PCSK6: variants seen among roughly 807,000 people sequenced by gnomAD.
The protein encoded by PCSK6 is paired basic amino acid cleaving enzyme 4.
In PCSK6, 85 loss-of-function variants were observed where a neutral mutation model predicts 123.3. The ratio of observed to expected loss-of-function variants is 0.69; its 90% CI spans 0.58 to 0.83. The LOEUF is 0.83. Ranked by LOEUF, PCSK6 falls within the 40% of genes least tolerant of loss-of-function variation. The pLI, the probability that PCSK6 is intolerant of heterozygous loss-of-function variation, is 0.00. For missense variants in PCSK6, 1,191 were observed against 1,282.3 expected (o/e 0.93, Z 1.09); for synonymous variants, 508 against 516.0 (o/e 0.98, Z 0.21).
Position 101,305,428 on chromosome 15 carries a change from C to G in PCSK6, c.2813-73G>C. 1.5e-6 allele frequency: 2 copies of G among 1,308,920 alleles called. No individual in the cohort carries two copies. Among genetic ancestry groups the G allele is most frequent in the Non-Finnish European group, 2.1e-6 (2 of 932,966 alleles). The allele number at this position is 1,308,920 out of a possible 1,614,324, so 81.1% of individuals were successfully genotyped here. ...GGTGCCTGTGAAGATTGTTTCAAGG[C>G]CGGGCGCGGTGCCTCATGCCTGTAA... On this transcript the variant is annotated intron_variant, in intron 21 of 21. Coordinates refer to ENST00000611716, the MANE Select transcript of PCSK6 (RefSeq NM_002570.5). This position sits in a 1 kb window ranked among gnomAD's most constrained non-coding sequence, Gnocchi z 4.8.
At chr15:101,311,657 G>A (rs111692050) in intron 20 of PCSK6, among the ~76,000 whole-genome samples, 1,761 of 66,738 alleles carry the variant, frequency 0.026, 15 homozygotes, top group African/African-American at 0.052. Context: ...TCACCCCATC[G>A]TCACCCCTCA....
intron 13 of PCSK6, among the ~76,000 whole-genome samples, chr15:101,361,238 C>T (rs2041214196): frequency 6.7e-6 from 1 of 150,082 alleles, no homozygotes; most frequent in South Asian, 2.1e-4. Context: ...GGAAGGTTGG[C>T]ATCCTGTTTT....
At chr15:101,467,773 C>T (rs1157083903) in intron 1 of PCSK6, among the ~76,000 whole-genome samples, 1 of 152,138 alleles carries the variant, frequency 6.6e-6, no homozygotes, top group Non-Finnish European at 1.5e-5. Context: ...CTCAGAATAC[C>T]CCACACAGTA....
chr15:101,340,646 A>G (rs2040580919), intron 13 of PCSK6, among the ~76,000 whole-genome samples: 1 of 152,202 alleles, frequency 6.6e-6, no homozygotes, highest in Non-Finnish European at 1.5e-5. Flanking sequence ...CTAGACAAAA[A>G]TACTCATATG....
intron 15 of PCSK6, 97 bp downstream of exon 15, chr15:101,331,554 T>C: frequency 8.6e-7 from 1 of 1,164,818 alleles, no homozygotes; most frequent in Non-Finnish European, 1.3e-6. Context: ...AGTGGCTAAC[T>C]TACCAGGGGG....
At chr15:101,324,708 T>C in intron 17 of PCSK6, 142 bp downstream of exon 17, 2 of 673,406 alleles carry the variant, frequency 3.0e-6, no homozygotes, top group Non-Finnish European at 5.0e-6. Flanking sequence ...CATCTCTGCC[T>C]CCTTCCCTGT....
chr15:101,437,478 C>T (rs564013602), intron 2 of PCSK6, among the ~76,000 whole-genome samples: 2 of 95,120 alleles, frequency 2.1e-5, no homozygotes. Context: ...AAGCCACCCC[C>T]ACCACCACCT....
At chr15:101,392,575 T>C (rs990373064) in intron 8 of PCSK6, among the ~76,000 whole-genome samples, 3 of 142,180 alleles carry the variant, frequency 2.1e-5, no homozygotes, top group Admixed American at 1.5e-4. Flanking sequence ...TAATTTGAAC[T>C]GGAAACCCTC....
chr15:101,305,337 T>C lies in PCSK6; in HGVS notation c.2831A>G (p.Glu944Gly), dbSNP rs767780943. Residue 944 changes from glutamate to glycine, a missense_variant, in exon 22 of 22, where the codon GAG becomes GGG. Glu to Gly is a moderately conservative substitution (Grantham distance 98, BLOSUM62 -2). Around this residue, in one of 3 missense-constraint regions of PCSK6, gnomAD observed 630 missense variants for 631.4 expected, o/e 1.00. Transcript: ENST00000611716. The surrounding 1 kb of genome is among the most constrained non-coding windows in gnomAD (Gnocchi z 4.8). ...TCSNADETFCEMVKSNRLCER... is the reference protein window; with the variant it reads ...TCSNADETFCGMVKSNRLCER... Reference sequence around the variant, plus strand: ...GCACAGCCGGTTGGACTTCACCATCTCGCAGAATGTCTCGTCAGCTGGGGC... The same window carrying C: ...GCACAGCCGGTTGGACTTCACCATCCCGCAGAATGTCTCGTCAGCTGGGGC... 14 of 1,612,490 alleles carry C rather than the reference T, an allele frequency of 8.7e-6. No individual in the cohort carries two copies. The highest frequency in any genetic ancestry group is 1.6e-4 in the Middle Eastern group (1 of 6,084).
intron 13 of PCSK6, among the ~76,000 whole-genome samples, chr15:101,335,636 T>C (rs948193194): frequency 6.6e-6 from 1 of 152,230 alleles, no homozygotes; most frequent in Non-Finnish European, 1.5e-5. Context: ...CCATTAACAG[T>C]GTATCCTTAT....
At chr15:101,413,005 T>TGAGGAGGAGGAGGAGGAGGAG (rs925761371) in intron 6 of PCSK6, among the ~76,000 whole-genome samples, 3 of 106,024 alleles carry the variant, frequency 2.8e-5, no homozygotes, top group Non-Finnish European at 5.9e-5. Flanking sequence ...GGAGGAGGAG[T>TGAGGAGGAGGAGGAGGAGGAG]GAGGAGGAGG....
At chr15:101,313,656 G>C (rs1317365225) in intron 19 of PCSK6, 151 bp from the exon 20 acceptor site, 3 of 1,198,746 alleles carry the variant, frequency 2.5e-6, no homozygotes, top group Non-Finnish European at 3.4e-6. Context: ...CTGTGAGCTG[G>C]GCCGTCCTCA....
At chr15:101,306,523 C>T (rs1431234531) in intron 21 of PCSK6, among the ~76,000 whole-genome samples, 2 of 152,170 alleles carry the variant, frequency 1.3e-5, no homozygotes, top group Non-Finnish European at 2.9e-5. Flanking sequence ...AATGTGGCTC[C>T]ACCCTGCTGC....
intron 13 of PCSK6, chr15:101,347,572 C>A: frequency 7.0e-7 from 1 of 1,433,336 alleles, no homozygotes; most frequent in Non-Finnish European, 9.2e-7. Flanking sequence ...CGCATTCATG[C>A]AGTCAATCAA....
At chr15:101,477,091 G>A (rs1210657022) in intron 1 of PCSK6, among the ~76,000 whole-genome samples, 2 of 152,204 alleles carry the variant, frequency 1.3e-5, no homozygotes. Flanking sequence ...CTAAACGTCA[G>A]GAAAGAATGA....
At chr15:101,412,586 A>T (rs760903404) in intron 6 of PCSK6, among the ~76,000 whole-genome samples, 1 of 151,592 alleles carries the variant, frequency 6.6e-6, no homozygotes. Flanking sequence ...CGATATAAAG[A>T]GGAACCAAGT....
At chr15:101,381,387 T>C (rs1004192611) in intron 11 of PCSK6, among the ~76,000 whole-genome samples, 21 of 151,942 alleles carry the variant, frequency 1.4e-4, no homozygotes, top group Admixed American at 2.6e-4. Context: ...AATCAATCAA[T>C]GAACAAATAT....
chr15:101,486,228 T>C (rs1327882659), intron 1 of PCSK6, among the ~76,000 whole-genome samples: 3 of 152,208 alleles, frequency 2.0e-5, no homozygotes, highest in Non-Finnish European at 2.9e-5. Flanking sequence ...CCTCCCAAAG[T>C]GCTGGGATGA....
intron 6 of PCSK6, among the ~76,000 whole-genome samples, chr15:101,420,190 CAA>C (rs369741613): frequency 0.049 from 4,098 of 84,382 alleles, 83 homozygotes; most frequent in Non-Finnish European, 0.071. Context: ...GATTCTGTCT[CAA>C]AAAAAAAAAA....
Sources: gnomAD v4.1 joint callset for allele counts (sites outside exome capture counted in the v4.1 genomes callset) on GRCh38, gnomAD v4.1.1 for gene constraint, gnomAD v4.1.1 regional missense constraint, Gnocchi (gnomAD v3.1) non-coding constraint, MANE v1.5 for transcripts, NCBI Gene and HGNC (gene_info 2026-07-23, HGNC 2026-07-21) for gene names.